FERMT2: variants seen among roughly 807,000 people sequenced by gnomAD.
FERMT2 encodes FERM domain containing kindlin 2.
FERMT2 carries 15 observed loss-of-function variants against 82.7 expected under a neutral mutation model. The ratio of observed to expected loss-of-function variants is 0.18; its 90% CI spans 0.12 to 0.28. The LOEUF (loss-of-function observed/expected upper bound fraction) is 0.28. Ranked by LOEUF, FERMT2 falls within the 10% of genes least tolerant of loss-of-function variation. FERMT2 has a pLI of 1.00. For missense variants in FERMT2, 645 were observed against 809.4 expected (o/e 0.80, Z 2.46); for synonymous variants, 274 against 271.5 (o/e 1.01, Z -0.09).
At chr14:52,924,776 G>C (rs1889155477) in intron 2 of FERMT2, among the ~76,000 whole-genome samples, 1 of 152,184 alleles carries the variant, frequency 6.6e-6, no homozygotes. Flanking sequence ...CAGAATAATA[G>C]CTGGTAGATA....
intron 3 of FERMT2, among the ~76,000 whole-genome samples, chr14:52,909,276 A>T (rs1888180362): frequency 6.6e-6 from 1 of 152,150 alleles, no homozygotes; most frequent in African/African-American, 2.4e-5. Flanking sequence ...CAAATTTCAG[A>T]TGAGGGCTAC....
At position 52,918,378 on chromosome 14, in the gene FERMT2, T is replaced by C. The variant is rs534676307; in HGVS notation, c.391+745A>G. On this transcript the variant is annotated intron_variant, in intron 3 of 14. Transcript: ENST00000341590. ...AGGGGAAGGGGGAGCTTACTATGTA[T>C]GTCTATATTCATTGATTCTTTTACA... is the stretch of plus-strand genomic sequence containing the variant. Among the ~76,000 whole-genome samples, 11 of 152,360 alleles carry C rather than the reference T, an allele frequency of 7.2e-5. No homozygotes were observed. The East Asian group carries it at 1.7e-3, about 24-fold the overall frequency.
chr14:52,933,728 AAAAAAAAAAG>A (rs1185973747), intron 2 of FERMT2, among the ~76,000 whole-genome samples: 5 of 149,884 alleles, frequency 3.3e-5, no homozygotes, highest in East Asian at 2.0e-4. Flanking sequence ...AAAAAAAAAA[AAAAAAAAAAG>A]GGAAAAGAAA....
intron 2 of FERMT2, among the ~76,000 whole-genome samples, chr14:52,920,690 C>T (rs542995939): frequency 4.0e-5 from 6 of 151,056 alleles, no homozygotes; most frequent in East Asian, 2.0e-4. Context: ...CAGTGGCTCA[C>T]GCCTATAATC....
chr14:52,935,557 G>A (rs993726808), intron 2 of FERMT2, among the ~76,000 whole-genome samples: 1 of 152,146 alleles, frequency 6.6e-6, no homozygotes, highest in South Asian at 2.1e-4. Context: ...CCTCCTCCAT[G>A]TGAGGAAACC....
intron 2 of FERMT2, among the ~76,000 whole-genome samples, chr14:52,946,164 C>T (rs775467937): frequency 1.3e-5 from 2 of 152,134 alleles, no homozygotes; most frequent in Admixed American, 6.5e-5. Context: ...CATGAGCCAC[C>T]GTGCCCAGCC....
At chr14:52,921,308 G>A (rs1382800967) in intron 2 of FERMT2, among the ~76,000 whole-genome samples, 5 of 152,104 alleles carry the variant, frequency 3.3e-5, no homozygotes, top group African/African-American at 4.8e-5. Flanking sequence ...GGAGAATTAC[G>A]GCTACAGCTA....
At chr14:52,930,682 A>G (rs1335404053) in intron 2 of FERMT2, among the ~76,000 whole-genome samples, 1 of 152,180 alleles carries the variant, frequency 6.6e-6, no homozygotes, top group Non-Finnish European at 1.5e-5. Flanking sequence ...TTGTTGTCTT[A>G]GGCCTGGGTT....
chr14:52,867,670 C>A (rs766608764), intron 10 of FERMT2, among the ~76,000 whole-genome samples: 5 of 152,132 alleles, frequency 3.3e-5, no homozygotes, highest in Non-Finnish European at 4.4e-5. Flanking sequence ...AATCCAATGT[C>A]TACAGGCTAG....
At chr14:52,883,333 G>T (rs1886399708) in intron 4 of FERMT2, among the ~76,000 whole-genome samples, 1 of 152,142 alleles carries the variant, frequency 6.6e-6, no homozygotes, top group Non-Finnish European at 1.5e-5. Context: ...TTAAAATTGT[G>T]TGACACCTTT....
rs1205528356 is a variant in FERMT2 at position 52,950,399 on chromosome 14, G to C, written c.157+13C>G. The C allele has an allele frequency of 6.8e-6, 11 of 1,610,290 alleles. 1 individual carries two copies. The South Asian group carries it at 1.2e-4, about 18-fold the overall frequency. ...GGAAGTCATTAGTTGGACGCGGCTG[G>C]GATGCTACTCACCGAGTTTCTCCAC... On this transcript the variant is annotated intron_variant, in intron 2 of 14. Transcript: ENST00000341590.
intron 2 of FERMT2, among the ~76,000 whole-genome samples, chr14:52,920,918 A>G (rs1888921627): frequency 6.6e-6 from 1 of 151,966 alleles, no homozygotes; most frequent in Non-Finnish European, 1.5e-5. Flanking sequence ...ACCGTACTCC[A>G]GCCTGGGTGA....
chr14:52,927,150 T>C (rs566125992), intron 2 of FERMT2, among the ~76,000 whole-genome samples: 4 of 152,198 alleles, frequency 2.6e-5, no homozygotes, highest in African/African-American at 9.6e-5. Flanking sequence ...CAAATAAACA[T>C]CTGTGTATTC....
At position 52,861,369 on chromosome 14, in the gene FERMT2, C is replaced by G. The variant is rs916728254; in HGVS notation, c.1603-904G>C. On this transcript the variant is annotated intron_variant, in intron 12 of 14. Coordinates refer to ENST00000341590, the MANE Select transcript of FERMT2 (RefSeq NM_006832.3). The stretch of plus-strand genomic sequence containing the variant: ...TATTTCTTTCCCCCTACATCGTGTA[C>G]CCAGTTACATCGTGTACCCAGTTCT... The G allele has an allele frequency of 4.7e-5, 13 of 276,890 alleles. No individual in the cohort carries two copies. In the Admixed American group the frequency reaches 6.5e-4, roughly 14 times the overall value. 17.2% of individuals were successfully genotyped at this position (276,890 alleles called of 1,614,324 possible).
At chr14:52,897,830 G>A (rs1474847398) in intron 3 of FERMT2, among the ~76,000 whole-genome samples, 1 of 152,016 alleles carries the variant, frequency 6.6e-6, no homozygotes, top group African/African-American at 2.4e-5. Flanking sequence ...TACAAAATTA[G>A]CTGGGCATGG....
intron 13 of FERMT2, 142 bp from the exon 14 acceptor site, chr14:52,859,856 T>C (rs144728607): frequency 0.02 from 9,305 of 458,364 alleles, 135 homozygotes; most frequent in Non-Finnish European, 0.025. Flanking sequence ...CTTGCTCTGT[T>C]GCCCAGGCTG....
At chr14:52,860,609 T>TTA in intron 12 of FERMT2, 144 bp from the exon 13 acceptor site, 1 of 683,602 alleles carries the variant, frequency 1.5e-6, no homozygotes, top group African/African-American at 1.8e-5. Context: ...TGAAGCTACA[T>TTA]TTGGACACTG....
intron 12 of FERMT2, chr14:52,861,010 T>C (rs1884893752): frequency 6.6e-7 from 1 of 1,525,146 alleles, no homozygotes; most frequent in African/African-American, 1.4e-5. Context: ...TATGGAGAAC[T>C]TACCAAATCT....
At chr14:52,880,734 T>C (rs1010698795) in intron 6 of FERMT2, among the ~76,000 whole-genome samples, 1 of 152,010 alleles carries the variant, frequency 6.6e-6, no homozygotes, top group African/African-American at 2.4e-5. Flanking sequence ...AAAGAGTACC[T>C]TTAAAATACA....
Sources: gnomAD v4.1 joint callset for allele counts (sites outside exome capture counted in the v4.1 genomes callset) on GRCh38, gnomAD v4.1.1 for gene constraint, MANE v1.5 for transcripts, NCBI Gene and HGNC (gene_info 2026-07-23, HGNC 2026-07-21) for gene names.